Variants in KIF27 observed in about 807,000 individuals in gnomAD.
KIF27 encodes the protein kinesin family member 27.
Under a neutral mutation model 141.8 loss-of-function variants are expected in KIF27, and 84 were observed. The observed-to-expected ratio is 0.59, with a 90% confidence interval of 0.50 to 0.71. The LOEUF (loss-of-function observed/expected upper bound fraction) is 0.71, where lower values mean the gene tolerates loss of function less well. Ranked by LOEUF, KIF27 falls within the 30% of genes least tolerant of loss-of-function variation. The pLI is 0.00. For missense variants in KIF27, 1,306 were observed against 1,628.4 expected (o/e 0.80, Z 3.41); for synonymous variants, 471 against 569.5 (o/e 0.83, Z 2.46).
chr9:83,866,958 CAAAAAAAGAAA>C (rs1564334893), intron 13 of KIF27, among the ~76,000 whole-genome samples: 40 of 140,404 alleles, frequency 2.8e-4, no homozygotes, highest in African/African-American at 1.0e-3. Flanking sequence ...ACCCCCCCCC[CAAAAAAAGAAA>C]CCCCACACCT....
At chr9:83,919,720 C>T (rs1330980030) in intron 1 of KIF27, among the ~76,000 whole-genome samples, 1 of 150,280 alleles carries the variant, frequency 6.7e-6, no homozygotes, top group Non-Finnish European at 1.5e-5. Context: ...CATGGAGAAA[C>T]CCTGTCTCTA....
intron 11 of KIF27, 123 bp downstream of exon 11, chr9:83,880,174 G>T: frequency 7.2e-7 from 1 of 1,397,100 alleles, no homozygotes; most frequent in Non-Finnish European, 9.9e-7. Context: ...AATAAGGACA[G>T]CAGTGAAGGG....
intron 3 of KIF27, 117 bp downstream of exon 3, chr9:83,908,335 C>A: frequency 2.8e-5 from 13 of 466,424 alleles, no homozygotes; most frequent in South Asian, 8.3e-5. Context: ...AAAATAAATT[C>A]ATTTTGCTTC....
In KIF27 at chr9:83,834,322, C is replaced by T. The variant is rs538644897; in HGVS notation, c.*2679G>A. ...TTTTTTCTTTCCTTTGTGAGAACACCGACTAAACTAGAATGACCAGAGGTT... is the reference window on the plus strand; with the variant it reads ...TTTTTTCTTTCCTTTGTGAGAACACTGACTAAACTAGAATGACCAGAGGTT... On this transcript the variant is annotated 3_prime_UTR_variant, in exon 18 of 18. Transcript: ENST00000297814. 7.2e-4 allele frequency among the ~76,000 whole-genome samples: 110 copies of T among 151,918 alleles called. 1 individual carries two copies. The highest frequency in any genetic ancestry group is 3.4e-3 in the Middle Eastern group (1 of 294).
At chr9:83,883,768 CA>C in intron 10 of KIF27, 44 bp downstream of exon 10, 1 of 1,342,788 alleles carries the variant, frequency 7.4e-7, no homozygotes. Context: ...TCCTCAGAAG[CA>C]AGAAAGCTTA....
chr9:83,907,154 G>A (rs1954636945), intron 3 of KIF27, among the ~76,000 whole-genome samples: 2 of 151,780 alleles, frequency 1.3e-5, no homozygotes, highest in African/African-American at 4.8e-5. Flanking sequence ...GCTGGACATG[G>A]TGGCGGGCGC....
At chr9:83,912,790 G>A (rs1955299158) in intron 2 of KIF27, among the ~76,000 whole-genome samples, 1 of 152,024 alleles carries the variant, frequency 6.6e-6, no homozygotes, top group East Asian at 1.9e-4. Flanking sequence ...TTTTGGAAAA[G>A]GCTATACCTT....
At chr9:83,915,926 A>C (rs183534771) in intron 1 of KIF27, among the ~76,000 whole-genome samples, 2 of 152,302 alleles carry the variant, frequency 1.3e-5, no homozygotes, top group Non-Finnish European at 2.9e-5. Flanking sequence ...TGATAAGTAC[A>C]TGGGATTCCA....
At chr9:83,915,768 C>T (rs1261000868) in intron 1 of KIF27, 90 bp from the exon 2 acceptor site, 2 of 598,014 alleles carry the variant, frequency 3.3e-6, no homozygotes, top group Admixed American at 3.2e-5. Flanking sequence ...TCAATTAGAA[C>T]AGGTTTTGTT....
chr9:83,914,640 A>G (rs1450020155), intron 2 of KIF27, among the ~76,000 whole-genome samples: 1 of 152,218 alleles, frequency 6.6e-6, no homozygotes, highest in Non-Finnish European at 1.5e-5. Flanking sequence ...ACAATGATGC[A>G]TATGTGCACT....
At position 83,858,113 on chromosome 9, in the gene KIF27, C is replaced by T. The variant is rs544084334; in HGVS notation, c.3150+1043G>A. On this transcript the variant is annotated intron_variant, in intron 14 of 17. Transcript: ENST00000297814. ...TAACCCTTAGGCTCCAATTTAATACCTTGGGAGGACAGCCTGGCTCTCTGT... is the reference window on the plus strand; with the variant it reads ...TAACCCTTAGGCTCCAATTTAATACTTTGGGAGGACAGCCTGGCTCTCTGT... Among the ~76,000 whole-genome samples the T allele has an allele frequency of 4.6e-5, 7 of 151,994 alleles. No individual in the cohort carries two copies. The East Asian group carries it at 9.7e-4, about 21-fold the overall frequency.
intron 11 of KIF27, among the ~76,000 whole-genome samples, chr9:83,875,031 CA>C (rs1459118112): frequency 6.7e-6 from 1 of 149,892 alleles, no homozygotes. Flanking sequence ...TTGAAGAAGA[CA>C]GTGTCTTCTT....
At chr9:83,853,948 T>C (rs1948895663) in intron 14 of KIF27, 113 bp from the exon 15 acceptor site, 3 of 777,200 alleles carry the variant, frequency 3.9e-6, no homozygotes, top group Admixed American at 2.6e-5. Context: ...ACTCTTGTAC[T>C]AGATTTTAAG....
At chr9:83,846,378 A>G (rs427314) in intron 16 of KIF27, among the ~76,000 whole-genome samples, 100,667 of 151,968 alleles carry the variant, frequency 0.66, 33,913 homozygotes, top group African/African-American at 0.77. Flanking sequence ...ACACAGCATC[A>G]CCTCTGACCA....
At chr9:83,909,568 A>C (rs943798125) in intron 2 of KIF27, among the ~76,000 whole-genome samples, 1 of 150,408 alleles carries the variant, frequency 6.6e-6, no homozygotes, top group Non-Finnish European at 1.5e-5. Context: ...GAGCTGAGAC[A>C]GTGCCACTGT....
chr9:83,859,124 A>T (rs140546026), intron 14 of KIF27, 32 bp downstream of exon 14: 2 of 1,328,432 alleles, frequency 1.5e-6, no homozygotes, highest in Non-Finnish European at 2.2e-6. Flanking sequence ...TCCATCATAC[A>T]GCACCTCCAG....
chr9:83,846,690 C>T (rs1947320792), intron 16 of KIF27, among the ~76,000 whole-genome samples: 1 of 152,180 alleles, frequency 6.6e-6, no homozygotes, highest in South Asian at 2.1e-4. Flanking sequence ...TGGCACCACC[C>T]ACCATCACCC....
At chr9:83,877,326 A>G (rs1951281290) in intron 11 of KIF27, among the ~76,000 whole-genome samples, 2 of 152,138 alleles carry the variant, frequency 1.3e-5, no homozygotes, top group Non-Finnish European at 2.9e-5. Flanking sequence ...CATTTGACCA[A>G]CATCTCCCCG....
intron 3 of KIF27, among the ~76,000 whole-genome samples, chr9:83,907,394 G>A (rs1324836847): frequency 2.6e-5 from 4 of 151,268 alleles, no homozygotes; most frequent in Admixed American, 6.6e-5. Context: ...AGAGAAGTTG[G>A]TATTTCTAGG....
Sources: allele counts gnomAD v4.1 joint callset (sites outside exome capture counted in the v4.1 genomes callset), GRCh38; gene constraint gnomAD v4.1.1; transcripts MANE v1.5; gene names NCBI Gene and HGNC (gene_info 2026-07-23, HGNC 2026-07-21).